PDZRN3: variants seen among roughly 807,000 people sequenced by gnomAD.
The protein encoded by PDZRN3 is PDZ domain containing ring finger 3.
PDZRN3 carries 38 observed loss-of-function variants against 85.7 expected under a neutral mutation model. The observed-to-expected ratio is 0.44, with a 90% CI of 0.34 to 0.58. The LOEUF (loss-of-function observed/expected upper bound fraction) is 0.58. Ranked by LOEUF, PDZRN3 falls within the 20% of genes least tolerant of loss-of-function variation. The pLI, the probability that PDZRN3 is intolerant of heterozygous loss-of-function variation, is 0.01. For synonymous variants in PDZRN3, 759 were observed against 638.0 expected, an observed-to-expected ratio of 1.19 and a Z score of -2.86; for missense variants, 1,629 against 1,506.4, an observed-to-expected ratio of 1.08 and a Z score of -1.35.
At chr3:73,414,695 GT>G (rs1559666173) in intron 3 of PDZRN3, among the ~76,000 whole-genome samples, 2 of 152,202 alleles carry the variant, frequency 1.3e-5, no homozygotes, top group African/African-American at 4.8e-5. Context: ...ACCAGTGAAT[GT>G]TGATAGAATG....
chr3:73,619,315 G>C (rs905002988), intron 1 of PDZRN3, among the ~76,000 whole-genome samples: 3 of 152,184 alleles, frequency 2.0e-5, no homozygotes, highest in African/African-American at 7.2e-5. Context: ...TAGTGCCACA[G>C]ACATGGTACT....
At chr3:73,581,955 C>T (rs542450500) in intron 3 of PDZRN3, among the ~76,000 whole-genome samples, 68 of 152,034 alleles carry the variant, frequency 4.5e-4, no homozygotes, top group African/African-American at 1.6e-3. Context: ...AAGAAATTAG[C>T]TGTGTGTGGT....
intron 3 of PDZRN3, among the ~76,000 whole-genome samples, chr3:73,541,218 G>T (rs1704913539): frequency 6.6e-6 from 1 of 152,098 alleles, no homozygotes; most frequent in Admixed American, 6.5e-5. Flanking sequence ...CTTACTGAAA[G>T]ACCTGACTTT....
intron 3 of PDZRN3, among the ~76,000 whole-genome samples, chr3:73,558,652 G>A (rs1337629454): frequency 6.6e-6 from 1 of 152,248 alleles, no homozygotes; most frequent in Non-Finnish European, 1.5e-5. Flanking sequence ...AAGGAAAGGG[G>A]AGAAGTAGGT....
chr3:73,476,179 A>G (rs1335889631), intron 3 of PDZRN3, among the ~76,000 whole-genome samples: 2 of 152,180 alleles, frequency 1.3e-5, no homozygotes, highest in Non-Finnish European at 2.9e-5. Context: ...GAGACCAGAT[A>G]ATTTATAAAG....
chr3:73,527,041 C>T (rs1704541661), intron 3 of PDZRN3, among the ~76,000 whole-genome samples: 1 of 152,072 alleles, frequency 6.6e-6, no homozygotes, highest in Admixed American at 6.6e-5. Flanking sequence ...GTAGGTGTTG[C>T]CATGCTGGCC....
At chr3:73,423,689 T>TA (rs1350183238) in intron 3 of PDZRN3, among the ~76,000 whole-genome samples, 1 of 152,360 alleles carries the variant, frequency 6.6e-6, no homozygotes, top group East Asian at 1.9e-4. Context: ...TATATATATA[T>TA]TTTTAAAAGT....
In PDZRN3 at chr3:73,390,070, G is replaced by A. The variant is rs116389934; in HGVS notation, c.1354-192C>T. Among the ~76,000 whole-genome samples the A allele has an allele frequency of 8.0e-3, 1,213 of 152,284 alleles. 18 individuals carry two copies. The highest frequency in any genetic ancestry group is 0.028 in the African/African-American group (1,165 of 41,560). On this transcript the variant is annotated intron_variant, in intron 6 of 9. Coordinates refer to ENST00000263666, the MANE Select transcript of PDZRN3 (RefSeq NM_015009.3). ...GATCTGCTTCTAAGCCCTTTCTAGG[G>A]CTGGTTCTTGGATCCCTGTGTAGCA...
intron 3 of PDZRN3, among the ~76,000 whole-genome samples, chr3:73,471,838 A>T (rs967195384): frequency 2.0e-5 from 3 of 152,234 alleles, no homozygotes; most frequent in African/African-American, 7.2e-5. Flanking sequence ...ATCACATCTT[A>T]GATTAAAAAT....
chr3:73,602,545 T>C (rs1470917661), intron 2 of PDZRN3, 84 bp from the exon 3 acceptor site: 9 of 739,742 alleles, frequency 1.2e-5, no homozygotes, highest in Admixed American at 6.4e-5. Flanking sequence ...AAAACAGTAA[T>C]TGACTCTTGC....
chr3:73,416,914 C>CA (rs1412858262), intron 3 of PDZRN3, among the ~76,000 whole-genome samples: 4 of 99,258 alleles, frequency 4.0e-5, no homozygotes, highest in Admixed American at 2.8e-4. Context: ...TTTTTTGAGA[C>CA]AGAGTCTCAC....
chr3:73,384,954 G>A (rs758389767), intron 9 of PDZRN3, 24 bp from the exon 10 acceptor site: 1 of 1,568,230 alleles, frequency 6.4e-7, no homozygotes, highest in Non-Finnish European at 8.6e-7. Flanking sequence ...AGAACAAAGG[G>A]TCACAGTGAG....
At chr3:73,601,307 C>T (rs1702512559) in intron 3 of PDZRN3, among the ~76,000 whole-genome samples, 1 of 152,194 alleles carries the variant, frequency 6.6e-6, no homozygotes. Flanking sequence ...TCCTAGCTCC[C>T]ACTCAGTCCT....
intron 3 of PDZRN3, among the ~76,000 whole-genome samples, chr3:73,600,693 C>T (rs1347007645): frequency 1.3e-5 from 2 of 152,082 alleles, no homozygotes; most frequent in Non-Finnish European, 2.9e-5. Flanking sequence ...TTCTCATTTG[C>T]AAAACACAAG....
Position 73,624,775 on chromosome 3 carries a change from C to G in PDZRN3, c.51G>C (p.Lys17Asn). 6.9e-7 allele frequency: 1 copy of G among 1,444,764 alleles called. No individual in the cohort carries two copies. The highest frequency in any genetic ancestry group is 9.1e-7 in the Non-Finnish European group (1 of 1,103,554). 89.5% of individuals were successfully genotyped at this position (1,444,764 alleles called of 1,614,324 possible). The change falls in exon 1 of 10, where the codon AAG (lysine) becomes AAC (asparagine). Residue 17 changes from lysine to asparagine, a missense_variant. Transcript: ENST00000263666. Reference protein sequence around the residue: ...RFDGDVDPDLKCALCHKVLED... With the variant: ...RFDGDVDPDLNCALCHKVLED... The stretch of plus-strand genomic sequence containing the variant: ...CCAGGACCTTGTGGCACAGCGCGCA[C>G]TTCAGGTCCGGGTCCACGTCGCCGT...
At chr3:73,485,580 T>C (rs1703647393) in intron 3 of PDZRN3, among the ~76,000 whole-genome samples, 1 of 152,194 alleles carries the variant, frequency 6.6e-6, no homozygotes, top group Admixed American at 6.5e-5. Flanking sequence ...TAAGCTCTTA[T>C]TTTAGCATAG....
At chr3:73,573,466 C>T (rs13069684) in intron 3 of PDZRN3, among the ~76,000 whole-genome samples, 24,111 of 152,132 alleles carry the variant, frequency 0.16, 2,406 homozygotes, top group East Asian at 0.27. Context: ...TGTCCCACCA[C>T]CTGTTTTATT....
intron 3 of PDZRN3, among the ~76,000 whole-genome samples, chr3:73,419,482 CCCCTGCACACGCAA>C (rs1216374977): frequency 1.3e-5 from 2 of 152,146 alleles, no homozygotes; most frequent in African/African-American, 4.8e-5. Flanking sequence ...AAATACGGAT[CCCCTGCACACGCAA>C]CGGCAGAGAA....
At chr3:73,508,536 A>G (rs1704108762) in intron 3 of PDZRN3, among the ~76,000 whole-genome samples, 1 of 152,138 alleles carries the variant, frequency 6.6e-6, no homozygotes, top group African/African-American at 2.4e-5. Flanking sequence ...CGGGCAGGAG[A>G]CTATCAGTGA....
Sources: allele counts gnomAD v4.1 joint callset (sites outside exome capture counted in the v4.1 genomes callset), GRCh38; gene constraint gnomAD v4.1.1; transcripts MANE v1.5; gene names NCBI Gene and HGNC (gene_info 2026-07-23, HGNC 2026-07-21).